Variants in UBAP2 observed in about 807,000 individuals in gnomAD.
UBAP2 encodes the protein ubiquitin-associated protein 2.
Under a neutral mutation model 139.6 loss-of-function variants are expected in UBAP2, and 75 were observed. That is an observed-to-expected ratio of 0.54 (90% confidence interval 0.45 to 0.65). UBAP2 has a LOEUF of 0.65. Ranked by LOEUF, UBAP2 falls within the 30% of genes least tolerant of loss-of-function variation. The pLI is 0.00. For missense variants in UBAP2, 1,368 were observed against 1,369.6 expected (o/e 1.00, Z 0.02); for synonymous variants, 526 against 526.2 (o/e 1.00, Z 0.01).
intron 4 of UBAP2, among the ~76,000 whole-genome samples, chr9:33,990,115 G>T (rs1821572802): frequency 6.6e-6 from 1 of 152,000 alleles, no homozygotes; most frequent in Non-Finnish European, 1.5e-5. Context: ...TTGACTATAA[G>T]TGGATATAAA....
At chr9:34,041,739 G>T (rs944040615) in intron 1 of UBAP2, among the ~76,000 whole-genome samples, 2 of 151,978 alleles carry the variant, frequency 1.3e-5, no homozygotes, top group African/African-American at 4.8e-5. Context: ...AAATCTACAT[G>T]GGGGCTGGGT....
intron 1 of UBAP2, among the ~76,000 whole-genome samples, chr9:34,038,574 T>C (rs1826686847): frequency 1.3e-5 from 2 of 152,166 alleles, no homozygotes; most frequent in African/African-American, 4.8e-5. Flanking sequence ...CAGTGTCTCA[T>C]TAACTCAGTG....
In UBAP2 at chr9:33,932,548, G is replaced by A. The variant is rs374717091; in HGVS notation, c.2175+14C>T. 202 of 1,613,416 alleles carry A rather than the reference G, an allele frequency of 1.3e-4. No homozygotes were observed. The highest frequency in any genetic ancestry group is 3.1e-4 in the East Asian group (14 of 44,880). On this transcript the variant is annotated intron_variant, in intron 19 of 28. Coordinates refer to ENST00000379238, the MANE Select transcript of UBAP2 (RefSeq NM_001370062.2). ...AAGCATGGCGGAGGAAGAGGAAGCC[G>A]CGCAGACACTTACTGTGTGTGACGT...
intron 6 of UBAP2, among the ~76,000 whole-genome samples, chr9:33,983,791 T>A (rs557142112): frequency 2.0e-5 from 3 of 152,196 alleles, no homozygotes; most frequent in Non-Finnish European, 4.4e-5. Flanking sequence ...TACAGAAACC[T>A]GGTCCTAAAT....
chr9:34,038,431 C>T (rs886573983), intron 1 of UBAP2, among the ~76,000 whole-genome samples: 5 of 152,208 alleles, frequency 3.3e-5, no homozygotes, highest in South Asian at 2.1e-4. Context: ...TGCAGGCGCG[C>T]GCCGCCACAC....
At chr9:33,973,341 T>C (rs1828053776) in intron 6 of UBAP2, 104 bp from the exon 7 acceptor site, 2 of 1,260,936 alleles carry the variant, frequency 1.6e-6, no homozygotes, top group Non-Finnish European at 1.1e-6. Flanking sequence ...ATTATCATTA[T>C]TCCTAGTAGC....
chr9:33,951,404 T>A (rs1481675614), intron 12 of UBAP2, among the ~76,000 whole-genome samples: 2 of 135,042 alleles, frequency 1.5e-5, no homozygotes, highest in African/African-American at 2.7e-5. Flanking sequence ...TGGAGTGCAA[T>A]GGCATGATCA....
At chr9:34,036,806 C>CTTTTTT (rs869116521) in intron 1 of UBAP2, among the ~76,000 whole-genome samples, 1 of 99,476 alleles carries the variant, frequency 1.0e-5, no homozygotes, top group Non-Finnish European at 2.0e-5. Flanking sequence ...AAGTTTTTCT[C>CTTTTTT]TTTTTTTTTT....
chr9:33,987,725 G>A (rs188514087), intron 5 of UBAP2, among the ~76,000 whole-genome samples: 1 of 152,284 alleles, frequency 6.6e-6, no homozygotes, highest in African/African-American at 2.4e-5. Flanking sequence ...TTGCTGTGAA[G>A]TTTTTGCTTC....
Position 33,922,785 on chromosome 9 carries a change from C to T in UBAP2, c.3166G>A (p.Ala1056Thr), listed in dbSNP as rs1823025937. 7 of 1,560,436 alleles carry T rather than the reference C, an allele frequency of 4.5e-6. No individual in the cohort carries two copies. Among genetic ancestry groups the T allele is most frequent in the Non-Finnish European group, 6.1e-6 (7 of 1,152,982 alleles). Residue 1056 changes from alanine to threonine, a missense_variant, in exon 28 of 29, where the codon GCC becomes ACC. Transcript: ENST00000379238. ...GSTGPLASGA[A>T]PGYAPPPFLH... Reference sequence around the variant, plus strand: ...AATGGTGGGGGTGCATAGCCAGGGGCCGCTCCCGAGGCCAGGGGCCCAGTG... The same window carrying T: ...AATGGTGGGGGTGCATAGCCAGGGGTCGCTCCCGAGGCCAGGGGCCCAGTG...
At chr9:34,011,432 G>C (rs978492350) in intron 2 of UBAP2, among the ~76,000 whole-genome samples, 1 of 151,892 alleles carries the variant, frequency 6.6e-6, no homozygotes, top group Admixed American at 6.6e-5. Flanking sequence ...ACACATAATA[G>C]TCATTTAACA....
At chr9:34,014,743 C>T (rs868020765) in intron 2 of UBAP2, among the ~76,000 whole-genome samples, 1 of 141,748 alleles carries the variant, frequency 7.1e-6, no homozygotes, top group Non-Finnish European at 1.5e-5. Flanking sequence ...TGGAGTGAGC[C>T]GAGACTGGCC....
intron 16 of UBAP2, among the ~76,000 whole-genome samples, chr9:33,936,884 G>A (rs1435804834): frequency 5.6e-5 from 7 of 124,454 alleles, no homozygotes; most frequent in Non-Finnish European, 6.2e-5. Flanking sequence ...CTTGCGCCCA[G>A]GAGTTCATGA....
At chr9:33,992,915 A>T (rs1211937161) in intron 4 of UBAP2, among the ~76,000 whole-genome samples, 3 of 152,206 alleles carry the variant, frequency 2.0e-5, no homozygotes, top group African/African-American at 7.2e-5. Context: ...ACCACATAAT[A>T]ATCAGAACAG....
At position 33,944,080 on chromosome 9, in the gene UBAP2, T is replaced by G. The variant is rs192670678; in HGVS notation, c.1545+285A>C. 3.2e-4 allele frequency among the ~76,000 whole-genome samples: 49 copies of G among 152,254 alleles called. 1 individual carries two copies. The highest frequency in any genetic ancestry group is 1.2e-3 in the African/African-American group (48 of 41,548). Reference sequence around the variant, plus strand: ...AAAGTATCACCTGGTCAAGGAACCATGCATCCTCCAACTATGGGATACAGC... The same window carrying G: ...AAAGTATCACCTGGTCAAGGAACCAGGCATCCTCCAACTATGGGATACAGC... On this transcript the variant is annotated intron_variant, in intron 14 of 28. Coordinates refer to ENST00000379238, the MANE Select transcript of UBAP2 (RefSeq NM_001370062.2).
chr9:33,973,090 T>C (rs1434993192), intron 7 of UBAP2, 93 bp downstream of exon 7: 1 of 1,087,608 alleles, frequency 9.2e-7, no homozygotes, highest in African/African-American at 1.6e-5. Context: ...AGATTCACCA[T>C]GATGACTAAA....
chr9:33,994,970 G>A (rs1373342077), intron 4 of UBAP2: 1 of 152,090 alleles, frequency 6.6e-6, no homozygotes, highest in African/African-American at 2.4e-5. Flanking sequence ...ATTTTCCAAG[G>A]AAAGGTAGTT....
At chr9:34,011,482 A>G (rs773781378) in intron 2 of UBAP2, 30 of 300,242 alleles carry the variant, frequency 1.0e-4, no homozygotes, top group Non-Finnish European at 1.4e-4. Context: ...TATTTATGAA[A>G]ATAAATTTTA....
At chr9:34,046,664 A>T (rs1230099421) in intron 1 of UBAP2, among the ~76,000 whole-genome samples, 1 of 110,656 alleles carries the variant, frequency 9.0e-6, no homozygotes, top group Non-Finnish European at 2.0e-5. Flanking sequence ...AAAAAAAAAA[A>T]AAAAAAAAGA....
Sources: gnomAD v4.1 joint callset for allele counts (sites outside exome capture counted in the v4.1 genomes callset) on GRCh38, gnomAD v4.1.1 for gene constraint, MANE v1.5 for transcripts, NCBI Gene and HGNC (gene_info 2026-07-23, HGNC 2026-07-21) for gene names.